SGCZ: variants seen among roughly 807,000 people sequenced by gnomAD.
SGCZ encodes the protein zeta-sarcoglycan.
Under a neutral mutation model 41.3 loss-of-function variants are expected in SGCZ, and 40 were observed. That is an observed-to-expected ratio of 0.97 (90% CI 0.75 to 1.26). The LOEUF is 1.26. SGCZ is among the 50% of genes most tolerant of loss of function. The pLI, the probability that SGCZ is intolerant of heterozygous loss-of-function variation, is 0.00. For synonymous variants in SGCZ, 206 were observed against 137.5 expected (o/e 1.50, Z -3.49); for missense variants, 552 against 369.8 (o/e 1.49, Z -4.04).
At chr8:14,723,375 T>C (rs1374058905) in intron 1 of SGCZ, among the ~76,000 whole-genome samples, 1 of 152,200 alleles carries the variant, frequency 6.6e-6, no homozygotes, top group Non-Finnish European at 1.5e-5. Context: ...CTGCCCACTC[T>C]TGCTGTGGAC....
At chr8:14,686,305 T>C (rs1013085824) in intron 1 of SGCZ, among the ~76,000 whole-genome samples, 5 of 152,058 alleles carry the variant, frequency 3.3e-5, no homozygotes, top group Non-Finnish European at 5.9e-5. Flanking sequence ...TTTGAGTAAT[T>C]TGAAATATAC....
intron 1 of SGCZ, among the ~76,000 whole-genome samples, chr8:14,748,272 G>A (rs1339134232): frequency 6.6e-6 from 1 of 152,102 alleles, no homozygotes; most frequent in Non-Finnish European, 1.5e-5. Flanking sequence ...AATTTACAGT[G>A]AAAGAATTCA....
At chr8:15,044,001 C>A (rs1428392880) in intron 1 of SGCZ, among the ~76,000 whole-genome samples, 1 of 152,094 alleles carries the variant, frequency 6.6e-6, no homozygotes, top group African/African-American at 2.4e-5. Context: ...TCCTTCAATG[C>A]AGAGAACTCC....
intron 1 of SGCZ, among the ~76,000 whole-genome samples, chr8:15,191,488 A>G (rs2117111199): frequency 6.6e-6 from 1 of 152,182 alleles, no homozygotes; most frequent in Middle Eastern, 3.4e-3. Flanking sequence ...AAGATTTTAA[A>G]GGTTTTAAAG....
intron 2 of SGCZ, among the ~76,000 whole-genome samples, chr8:14,508,330 G>C (rs1484640207): frequency 2.4e-4 from 37 of 152,076 alleles, no homozygotes. Flanking sequence ...GAATGAATGA[G>C]TAAAATAGAA....
At chr8:14,907,182 T>C (rs898022015) in intron 1 of SGCZ, among the ~76,000 whole-genome samples, 2 of 152,142 alleles carry the variant, frequency 1.3e-5, no homozygotes, top group African/African-American at 4.8e-5. Context: ...ATGGGTTTCA[T>C]ATGTTTTACA....
chr8:14,372,989 G>T (rs575386660), intron 2 of SGCZ, among the ~76,000 whole-genome samples: 18 of 152,252 alleles, frequency 1.2e-4, no homozygotes, highest in Middle Eastern at 3.4e-3. Flanking sequence ...AATAAAGACA[G>T]TAGTCACTGC....
intron 3 of SGCZ, among the ~76,000 whole-genome samples, chr8:14,317,267 A>G (rs1249230075): frequency 2.0e-5 from 3 of 152,048 alleles, no homozygotes; most frequent in Non-Finnish European, 2.9e-5. Flanking sequence ...TCTAACAACT[A>G]TAACAGTGTA....
chr8:14,468,561 A>G (rs1801116928), intron 2 of SGCZ, among the ~76,000 whole-genome samples: 1 of 152,084 alleles, frequency 6.6e-6, no homozygotes, highest in African/African-American at 2.4e-5. Flanking sequence ...TAACTCCACA[A>G]TATTGAATGT....
At position 15,083,954 on chromosome 8, in the gene SGCZ, C is replaced by T. The variant is rs550040334; in HGVS notation, c.39+153631G>A. On this transcript the variant is annotated intron_variant, in intron 1 of 7. Coordinates refer to ENST00000382080, the MANE Select transcript of SGCZ (RefSeq NM_139167.4). ...TGGTCCTTGACTTTTAAGATTGCTG[C>T]GTTCTAGTCCTTTACATTCAGTTAT... is the stretch of plus-strand genomic sequence containing the variant. 3.3e-4 allele frequency among the ~76,000 whole-genome samples: 50 copies of T among 151,720 alleles called. 1 individual carries two copies. The highest frequency in any genetic ancestry group is 9.2e-4 in the African/African-American group (38 of 41,196).
chr8:14,450,186 A>G (rs756272673), intron 2 of SGCZ, among the ~76,000 whole-genome samples: 2 of 152,206 alleles, frequency 1.3e-5, no homozygotes, highest in African/African-American at 2.4e-5. Flanking sequence ...GCCAGGCTAC[A>G]CAGAACCCAA....
At chr8:14,789,116 A>G (rs1209628169) in intron 1 of SGCZ, among the ~76,000 whole-genome samples, 1 of 152,148 alleles carries the variant, frequency 6.6e-6, no homozygotes, top group African/African-American at 2.4e-5. Context: ...CACTCTCTTC[A>G]TAAGGTACAT....
intron 5 of SGCZ, among the ~76,000 whole-genome samples, chr8:14,142,834 C>T (rs994369014): frequency 4.6e-5 from 7 of 151,966 alleles, no homozygotes; most frequent in Non-Finnish European, 8.8e-5. Context: ...GGCACCTCTC[C>T]CCTTGCTCTC....
chr8:14,803,448 A>C lies in SGCZ; in HGVS notation c.40-248522T>G, dbSNP rs566871151. Reference sequence around the variant, plus strand: ...AAGGGGTCAGGGAGTTCCCTTTCCTAGTCAAAGAAAGGGGTGACAGACGGC... The same window carrying C: ...AAGGGGTCAGGGAGTTCCCTTTCCTCGTCAAAGAAAGGGGTGACAGACGGC... On this transcript the variant is annotated intron_variant, in intron 1 of 7. Transcript: ENST00000382080. 2.3e-3 allele frequency among the ~76,000 whole-genome samples: 352 copies of C among 152,154 alleles called. 3 individuals carry two copies. The highest frequency in any genetic ancestry group is 8.1e-3 in the African/African-American group (337 of 41,534).
At chr8:15,112,535 G>C (rs1224980230) in intron 1 of SGCZ, among the ~76,000 whole-genome samples, 2 of 152,168 alleles carry the variant, frequency 1.3e-5, no homozygotes. Flanking sequence ...CTGAACTCTA[G>C]GAATGCTTGA....
intron 1 of SGCZ, among the ~76,000 whole-genome samples, chr8:15,215,829 T>A (rs1396496214): frequency 6.6e-6 from 1 of 152,170 alleles, no homozygotes; most frequent in Non-Finnish European, 1.5e-5. Context: ...ATTTTTAAAG[T>A]AAAATTCTTT....
At chr8:15,041,294 C>A (rs1297973985) in intron 1 of SGCZ, among the ~76,000 whole-genome samples, 1 of 151,532 alleles carries the variant, frequency 6.6e-6, no homozygotes, top group Admixed American at 6.6e-5. Context: ...TTTGGGAACC[C>A]TTGTTTACAT....
intron 1 of SGCZ, among the ~76,000 whole-genome samples, chr8:14,575,287 T>G (rs1378389144): frequency 3.3e-5 from 5 of 152,194 alleles, no homozygotes; most frequent in Non-Finnish European, 7.3e-5. Flanking sequence ...AAAAGAGATG[T>G]ACAGGTATGG....
chr8:14,447,742 G>C (rs1327093407), intron 2 of SGCZ, among the ~76,000 whole-genome samples: 1 of 152,118 alleles, frequency 6.6e-6, no homozygotes, highest in African/African-American at 2.4e-5. Context: ...GTAGCCAGTG[G>C]AATGAAAGAC....
Sources: gnomAD v4.1 joint callset for allele counts (sites outside exome capture counted in the v4.1 genomes callset) on GRCh38, gnomAD v4.1.1 for gene constraint, MANE v1.5 for transcripts, NCBI Gene and HGNC (gene_info 2026-07-23, HGNC 2026-07-21) for gene names.